The following TMEM108 variants were observed in gnomAD, a reference collection of about 807,000 sequenced individuals.
TMEM108 encodes transmembrane protein 108, also known as cancer/testis antigen 124.
A neutral mutation model predicts 35.1 loss-of-function variants in TMEM108; 12 were observed. The ratio of observed to expected loss-of-function variants is 0.34; its 90% confidence interval spans 0.22 to 0.55. The LOEUF (loss-of-function observed/expected upper bound fraction) is 0.55, where lower values mean the gene tolerates loss of function less well. Ranked by LOEUF, TMEM108 falls within the 20% of genes least tolerant of loss-of-function variation. The pLI is 0.89. For missense variants in TMEM108, 680 were observed against 753.3 expected (o/e 0.90, Z 1.14); for synonymous variants, 287 against 308.6 (o/e 0.93, Z 0.73).
chr3:133,103,707 G>A (rs1944116294), intron 2 of TMEM108, among the ~76,000 whole-genome samples: 1 of 152,202 alleles, frequency 6.6e-6, no homozygotes, highest in African/African-American at 2.4e-5. Context: ...TGGGCCTTCA[G>A]TAACCAGTGC....
intron 2 of TMEM108, among the ~76,000 whole-genome samples, chr3:133,098,212 G>T (rs1012696317): frequency 2.0e-5 from 3 of 152,194 alleles, no homozygotes; most frequent in African/African-American, 7.2e-5. Flanking sequence ...TTCTTACATG[G>T]CAGCGGCAAG....
intron 2 of TMEM108, among the ~76,000 whole-genome samples, chr3:133,058,336 T>C (rs374846892): frequency 5.3e-5 from 8 of 152,332 alleles, no homozygotes; most frequent in African/African-American, 1.9e-4. Context: ...GGGCTGGGCC[T>C]AGGAAGGATT....
At chr3:133,116,708 A>G (rs184898176) in intron 2 of TMEM108, among the ~76,000 whole-genome samples, 12 of 152,286 alleles carry the variant, frequency 7.9e-5, no homozygotes, top group African/African-American at 2.4e-4. Flanking sequence ...CTTGTTGTCA[A>G]CTGTATGAGA....
intron 5 of TMEM108, among the ~76,000 whole-genome samples, chr3:133,391,977 C>T (rs1028679363): frequency 6.6e-6 from 1 of 152,058 alleles, no homozygotes; most frequent in East Asian, 1.9e-4. Flanking sequence ...CAGCCAATTC[C>T]GAGCACTCAT....
At chr3:133,273,326 A>G (rs67196950) in intron 3 of TMEM108, among the ~76,000 whole-genome samples, 19,216 of 152,236 alleles carry the variant, frequency 0.13, 1,347 homozygotes, top group South Asian at 0.22. Flanking sequence ...TTCCCTACCA[A>G]GTGAACACAG....
At chr3:133,254,954 A>C (rs187733912) in intron 3 of TMEM108, among the ~76,000 whole-genome samples, 1 of 152,368 alleles carries the variant, frequency 6.6e-6, no homozygotes, top group Admixed American at 6.5e-5. Flanking sequence ...ATGGGACCTT[A>C]GTTGGAGTTA....
intron 3 of TMEM108, among the ~76,000 whole-genome samples, chr3:133,342,005 C>T (rs981063017): frequency 6.6e-6 from 1 of 151,746 alleles, no homozygotes; most frequent in Non-Finnish European, 1.5e-5. Context: ...CCCACAAGCA[C>T]AGGCAACCAA....
At chr3:133,249,427 G>A (rs1004529449) in intron 3 of TMEM108, among the ~76,000 whole-genome samples, 1 of 152,194 alleles carries the variant, frequency 6.6e-6, no homozygotes, top group Non-Finnish European at 1.5e-5. Context: ...CTCTGAGCAT[G>A]ACAGATGTAA....
intron 3 of TMEM108, among the ~76,000 whole-genome samples, chr3:133,311,485 T>G (rs1259124188): frequency 1.3e-5 from 2 of 152,224 alleles, no homozygotes; most frequent in Non-Finnish European, 2.9e-5. Flanking sequence ...TGATACCCTT[T>G]CTTCCACTTG....
intron 3 of TMEM108, among the ~76,000 whole-genome samples, chr3:133,371,495 A>G (rs150897527): frequency 1.3e-4 from 20 of 152,096 alleles, no homozygotes; most frequent in Non-Finnish European, 2.1e-4. Context: ...ACTTCCTCGC[A>G]GCATGGCAGC....
intron 2 of TMEM108, among the ~76,000 whole-genome samples, chr3:133,173,386 C>A (rs948662935): frequency 1.3e-5 from 2 of 152,230 alleles, no homozygotes; most frequent in East Asian, 1.9e-4. Context: ...TATATCTACA[C>A]AAACCAAGAT....
At chr3:133,132,628 C>G (rs1944505966) in intron 2 of TMEM108, among the ~76,000 whole-genome samples, 1 of 152,178 alleles carries the variant, frequency 6.6e-6, no homozygotes, top group South Asian at 2.1e-4. Context: ...GTTTTCATGT[C>G]TGCTAATGCA....
chr3:133,172,083 C>G (rs191619953), intron 2 of TMEM108, among the ~76,000 whole-genome samples: 1 of 152,278 alleles, frequency 6.6e-6, no homozygotes, highest in Non-Finnish European at 1.5e-5. Context: ...TTAATGCATG[C>G]CAGACACTGC....
intron 2 of TMEM108, among the ~76,000 whole-genome samples, chr3:133,119,865 C>T (rs1014214064): frequency 6.6e-6 from 1 of 152,186 alleles, no homozygotes; most frequent in Non-Finnish European, 1.5e-5. Context: ...CCCCAAATCT[C>T]TTGCATATCA....
intron 2 of TMEM108, among the ~76,000 whole-genome samples, chr3:133,071,180 G>T (rs1036642450): frequency 6.6e-6 from 1 of 152,126 alleles, no homozygotes; most frequent in Non-Finnish European, 1.5e-5. Flanking sequence ...TAGTTTGCTA[G>T]GGCTGCCATA....
At chr3:133,344,059 A>T (rs563715024) in intron 3 of TMEM108, among the ~76,000 whole-genome samples, 208 of 152,022 alleles carry the variant, frequency 1.4e-3, no homozygotes, top group African/African-American at 4.7e-3. Flanking sequence ...CTGGTGCCAA[A>T]AGGTTGGGAA....
chr3:133,122,429 C>G (rs1259980362), intron 2 of TMEM108, among the ~76,000 whole-genome samples: 2 of 152,056 alleles, frequency 1.3e-5, no homozygotes, highest in East Asian at 3.9e-4. Context: ...TTTAAAGACC[C>G]CTGTGTTAGT....
intron 3 of TMEM108, among the ~76,000 whole-genome samples, chr3:133,374,311 G>A (rs901651009): frequency 1.3e-5 from 2 of 152,096 alleles, no homozygotes; most frequent in Non-Finnish European, 2.9e-5. Context: ...AGACTTCTCA[G>A]ACTGCTATGA....
chr3:133,080,223 T>G (rs1943792306), intron 2 of TMEM108, among the ~76,000 whole-genome samples: 1 of 152,312 alleles, frequency 6.6e-6, no homozygotes, highest in Non-Finnish European at 1.5e-5. Context: ...GGATGTCCAC[T>G]GTCTGCGGCC....
Sources: allele counts gnomAD v4.1 joint callset (sites outside exome capture counted in the v4.1 genomes callset), GRCh38; gene constraint gnomAD v4.1.1; transcripts MANE v1.5; gene names NCBI Gene and HGNC (gene_info 2026-07-23, HGNC 2026-07-21).